Variants in TCEANC2 observed in about 807,000 individuals in gnomAD.
TCEANC2 encodes transcription elongation factor A N-terminal and central domain-containing protein 2.
TCEANC2 carries 20 observed loss-of-function variants against 22.8 expected under a neutral mutation model. The observed-to-expected ratio is 0.88, with a 90% CI of 0.62 to 1.28. The LOEUF (loss-of-function observed/expected upper bound fraction) is 1.28. TCEANC2 is among the 50% of genes most tolerant of loss of function. The pLI, the probability that TCEANC2 is intolerant of heterozygous loss-of-function variation, is 0.00. For missense variants in TCEANC2, 251 were observed against 249.7 expected (o/e 1.01, Z -0.03); for synonymous variants, 84 against 95.5 (o/e 0.88, Z 0.70).
At chr1:54,107,058 G>A (rs1658770660), downstream of TCEANC2, among the ~76,000 whole-genome samples, 1 of 152,110 alleles carries the variant, frequency 6.6e-6, no homozygotes, top group Non-Finnish European at 1.5e-5. Context: ...CTCAGACTTT[G>A]CCAGTCTTCC....
intron 3 of TCEANC2, among the ~76,000 whole-genome samples, chr1:54,076,667 G>A (rs1286455685): frequency 6.6e-6 from 1 of 152,092 alleles, no homozygotes; most frequent in Non-Finnish European, 1.5e-5. Flanking sequence ...GTGACCAAGA[G>A]AAAAATGCAT....
chr1:54,085,104 C>T (rs1433875199), intron 3 of TCEANC2, among the ~76,000 whole-genome samples: 1 of 152,196 alleles, frequency 6.6e-6, no homozygotes, highest in Non-Finnish European at 1.5e-5. Context: ...AGGCTAGGTA[C>T]AAATTCTTGA....
At chr1:54,092,566 C>A (rs528732652) in intron 4 of TCEANC2, among the ~76,000 whole-genome samples, 3 of 152,292 alleles carry the variant, frequency 2.0e-5, no homozygotes, top group African/African-American at 7.2e-5. Context: ...ATTGGTTGAA[C>A]ATTTACTATG....
downstream of TCEANC2, among the ~76,000 whole-genome samples, chr1:54,110,657 C>A (rs945156149): frequency 1.3e-5 from 2 of 152,136 alleles, no homozygotes; most frequent in Non-Finnish European, 2.9e-5. Flanking sequence ...CCAATGTCTC[C>A]GATCACCCTA....
At chr1:54,060,754 A>G (rs1356502959) in intron 2 of TCEANC2, among the ~76,000 whole-genome samples, 1 of 152,026 alleles carries the variant, frequency 6.6e-6, no homozygotes, top group East Asian at 1.9e-4. Context: ...AGCCTGGCCA[A>G]CATGGTGAAA....
In TCEANC2 at chr1:54,092,045, A is replaced by G. The variant is rs148255022; in HGVS notation, c.438+3255A>G. Among the ~76,000 whole-genome samples the G allele has an allele frequency of 1.3e-3, 205 of 152,300 alleles. 2 individuals carry two copies. The highest frequency in any genetic ancestry group is 4.7e-3 in the African/African-American group (196 of 41,544). The stretch of plus-strand genomic sequence containing the variant: ...TCTTTGTTTAATGGCCTCAGACTGC[A>G]CCCCTGGCTTTGACCAGCTCTCTCA... On this transcript the variant is annotated intron_variant, in intron 4 of 4. Coordinates refer to ENST00000234827, the MANE Select transcript of TCEANC2 (RefSeq NM_153035.3).
chr1:54,071,036 G>A (rs1377915146), intron 3 of TCEANC2, among the ~76,000 whole-genome samples: 1 of 152,146 alleles, frequency 6.6e-6, no homozygotes, highest in Non-Finnish European at 1.5e-5. Flanking sequence ...GGTGGAGGTG[G>A]GAGAGAACAT....
At chr1:54,071,656 A>C (rs1658057373) in intron 3 of TCEANC2, among the ~76,000 whole-genome samples, 1 of 152,238 alleles carries the variant, frequency 6.6e-6, no homozygotes, top group African/African-American at 2.4e-5. Flanking sequence ...GGAAGGCAAC[A>C]TAAGGGTATG....
At chr1:54,081,635 T>TC (rs1384872289) in intron 3 of TCEANC2, among the ~76,000 whole-genome samples, 1 of 152,090 alleles carries the variant, frequency 6.6e-6, no homozygotes, top group Non-Finnish European at 1.5e-5. Context: ...TTTCCCAGAC[T>TC]CCTTCTCTTT....
At chr1:54,069,834 A>G (rs575684069) in intron 3 of TCEANC2, among the ~76,000 whole-genome samples, 1 of 152,358 alleles carries the variant, frequency 6.6e-6, no homozygotes, top group African/African-American at 2.4e-5. Flanking sequence ...AAGGTAAGTC[A>G]GGGACCATGT....
At chr1:54,109,806 C>T (rs1204307477), downstream of TCEANC2, among the ~76,000 whole-genome samples, 4 of 152,168 alleles carry the variant, frequency 2.6e-5, no homozygotes, top group Non-Finnish European at 4.4e-5. Flanking sequence ...GCAAGAGCCC[C>T]GTCCCCTCCT....
chr1:54,107,777 G>T (rs989095842), downstream of TCEANC2, among the ~76,000 whole-genome samples: 1 of 152,232 alleles, frequency 6.6e-6, no homozygotes, highest in South Asian at 2.1e-4. Flanking sequence ...CTTATGATTG[G>T]CAAGGATTTT....
intron 3 of TCEANC2, among the ~76,000 whole-genome samples, chr1:54,071,935 C>A (rs942173507): frequency 5.9e-5 from 9 of 152,020 alleles, no homozygotes; most frequent in Admixed American, 5.2e-4. Flanking sequence ...CCTCAGCCCC[C>A]CAAGTAGGTA....
At chr1:54,090,100 C>A in intron 4 of TCEANC2, 1 of 581,862 alleles carries the variant, frequency 1.7e-6, no homozygotes, top group Non-Finnish European at 3.2e-6. Flanking sequence ...GATCAGTAAT[C>A]ATTCCAGCTG....
intron 2 of TCEANC2, among the ~76,000 whole-genome samples, chr1:54,065,786 GA>G (rs995102465): frequency 7.3e-5 from 11 of 151,312 alleles, no homozygotes; most frequent in Admixed American, 2.0e-4. Flanking sequence ...ACCATAGAGG[GA>G]AAAAAAAGGG....
At chr1:54,071,107 C>T (rs889543624) in intron 3 of TCEANC2, among the ~76,000 whole-genome samples, 4 of 152,052 alleles carry the variant, frequency 2.6e-5, no homozygotes, top group Non-Finnish European at 4.4e-5. Context: ...CTTGAGAGAG[C>T]GTGGCAAGAA....
rs1321409925 is a variant in TCEANC2 at position 54,102,365 on chromosome 1, C to T, written c.*5892C>T. ...AGACACCTGGGGTTCTGGAGCAGGG[C>T]CATGCCATCTGTAGCCAAGAATTTT... On this transcript the variant is annotated 3_prime_UTR_variant, in exon 5 of 5. Coordinates refer to ENST00000234827, the MANE Select transcript of TCEANC2 (RefSeq NM_153035.3). The T allele has an allele frequency of 6.6e-6, 1 of 152,190 alleles. No homozygotes were observed. The highest frequency in any genetic ancestry group is 1.5e-5 in the Non-Finnish European group (1 of 68,074). The allele number at this position is 152,190 out of a possible 1,614,324, so 9.4% of individuals were successfully genotyped here.
At chr1:54,077,645 A>G (rs1460681265) in intron 3 of TCEANC2, among the ~76,000 whole-genome samples, 1 of 151,780 alleles carries the variant, frequency 6.6e-6, no homozygotes, top group East Asian at 1.9e-4. Flanking sequence ...TTATTTTTTT[A>G]TTTGCTAGGC....
downstream of TCEANC2, among the ~76,000 whole-genome samples, chr1:54,106,750 T>C (rs1412324961): frequency 6.6e-6 from 1 of 151,310 alleles, no homozygotes; most frequent in East Asian, 1.9e-4. Context: ...CATAGAAACA[T>C]ATTGAGAAAA....
Sources: gnomAD v4.1 joint callset for allele counts (sites outside exome capture counted in the v4.1 genomes callset) on GRCh38, gnomAD v4.1.1 for gene constraint, MANE v1.5 for transcripts, NCBI Gene and HGNC (gene_info 2026-07-23, HGNC 2026-07-21) for gene names.